The following SPAG16 variants were observed in gnomAD, a reference collection of about 807,000 sequenced individuals.
SPAG16 encodes the protein sperm associated antigen 16.
Under a neutral mutation model 80.4 loss-of-function variants are expected in SPAG16, and 86 were observed. The observed-to-expected ratio is 1.07, with a 90% CI of 0.90 to 1.28. The LOEUF is 1.28. Ranked by LOEUF, SPAG16 falls within the 50% of genes most tolerant of loss-of-function variation. SPAG16 has a pLI of 0.00. For synonymous variants in SPAG16, 294 were observed against 265.9 expected (o/e 1.11, Z -1.03); for missense variants, 870 against 765.3 (o/e 1.14, Z -1.61).
intron 15 of SPAG16, chr2:214,280,843 T>C (rs1692872245): frequency 2.3e-6 from 1 of 433,788 alleles, no homozygotes; most frequent in Admixed American, 2.6e-5. Context: ...CCGTTCTTTA[T>C]ATATTGAGAG....
At chr2:213,313,529 T>C (rs2063287260) in intron 4 of SPAG16, among the ~76,000 whole-genome samples, 1 of 151,812 alleles carries the variant, frequency 6.6e-6, no homozygotes, top group Non-Finnish European at 1.5e-5. Context: ...TGTCACCAAG[T>C]CATAGCCAGT....
At chr2:213,420,812 A>G (rs911885670) in intron 9 of SPAG16, among the ~76,000 whole-genome samples, 2 of 152,182 alleles carry the variant, frequency 1.3e-5, no homozygotes, top group Non-Finnish European at 2.9e-5. Flanking sequence ...ACTCTTTTGC[A>G]TTCCAAAAAA....
Position 214,125,592 on chromosome 2 carries a change from G to A in SPAG16, c.1593+17331G>A, listed in dbSNP as rs369135351. ...GTCTGTTAGAAATAATTCTTAAAAAGGCTCTACATTTTAGTTAAATATATA... is the reference window on the plus strand; with the variant it reads ...GTCTGTTAGAAATAATTCTTAAAAAAGCTCTACATTTTAGTTAAATATATA... On this transcript the variant is annotated intron_variant, in intron 14 of 15. Transcript: ENST00000331683. 1.1e-3 allele frequency among the ~76,000 whole-genome samples: 169 copies of A among 151,682 alleles called. 1 individual carries two copies. The highest frequency in any genetic ancestry group is 3.9e-3 in the African/African-American group (161 of 41,490).
chr2:214,136,532 T>C (rs2055061306), intron 14 of SPAG16, among the ~76,000 whole-genome samples: 1 of 152,182 alleles, frequency 6.6e-6, no homozygotes, highest in Admixed American at 6.5e-5. Flanking sequence ...CCAGCTCATA[T>C]CCATGGAGCA....
chr2:213,687,602 T>G (rs1180933642), intron 10 of SPAG16, among the ~76,000 whole-genome samples: 1 of 152,202 alleles, frequency 6.6e-6, no homozygotes, highest in Non-Finnish European at 1.5e-5. Flanking sequence ...CTTACTTCAT[T>G]GTTTTCTACT....
At chr2:213,958,977 G>A (rs760529879) in intron 12 of SPAG16, among the ~76,000 whole-genome samples, 57 of 152,092 alleles carry the variant, frequency 3.7e-4, no homozygotes, top group Non-Finnish European at 6.8e-4. Flanking sequence ...TTGTATATCT[G>A]GGAATGTCAT....
chr2:213,992,720 A>G (rs564833163), intron 12 of SPAG16, among the ~76,000 whole-genome samples: 3 of 152,346 alleles, frequency 2.0e-5, no homozygotes, highest in African/African-American at 7.2e-5. Context: ...GCTAATTACA[A>G]AAGCCTGATG....
intron 15 of SPAG16, among the ~76,000 whole-genome samples, chr2:214,210,220 T>C (rs2058253987): frequency 6.6e-6 from 1 of 152,094 alleles, no homozygotes; most frequent in South Asian, 2.1e-4. Flanking sequence ...CAGATCCTTA[T>C]GATAATTTTG....
chr2:213,314,823 A>C (rs1334920042), intron 4 of SPAG16, among the ~76,000 whole-genome samples: 3 of 151,922 alleles, frequency 2.0e-5, no homozygotes, highest in Non-Finnish European at 4.4e-5. Flanking sequence ...TTCTGAGATA[A>C]GTATATCACA....
intron 15 of SPAG16, among the ~76,000 whole-genome samples, chr2:214,378,265 C>T (rs911488509): frequency 2.0e-5 from 3 of 152,144 alleles, no homozygotes; most frequent in African/African-American, 7.2e-5. Flanking sequence ...ACTAATATAT[C>T]AGGCAAATCG....
At position 214,404,878 on chromosome 2, in the gene SPAG16, T is replaced by A. The variant is rs551587504; in HGVS notation, c.1721-5262T>A. ...GAGTGTTTTTAGTTATCGGGTACAA[T>A]TTTTAGTACATATTATATATGCATT... On this transcript the variant is annotated intron_variant, in intron 15 of 15. Coordinates refer to ENST00000331683, the MANE Select transcript of SPAG16 (RefSeq NM_024532.5). Among the ~76,000 whole-genome samples, 42 of 152,244 alleles carry A rather than the reference T, an allele frequency of 2.8e-4. No individual in the cohort carries two copies. In the Middle Eastern group the frequency reaches 0.014, roughly 49 times the overall value.
chr2:214,155,123 A>C (rs1001785295), intron 15 of SPAG16, among the ~76,000 whole-genome samples: 1 of 152,138 alleles, frequency 6.6e-6, no homozygotes, highest in Non-Finnish European at 1.5e-5. Flanking sequence ...GGCAGGGTAC[A>C]GGAGAGTTAT....
Position 213,534,590 on chromosome 2 carries a change from C to T in SPAG16, c.1070+44500C>T, listed in dbSNP as rs116557429. On this transcript the variant is annotated intron_variant, in intron 10 of 15. Transcript: ENST00000331683. ...CTATGAATTTACACAAAAACACAGA[C>T]GAATCCCAAAAACATACTCATTGAA... Among the ~76,000 whole-genome samples the T allele has an allele frequency of 6.5e-3, 990 of 152,040 alleles. 18 individuals are homozygous for T. The highest frequency in any genetic ancestry group is 0.023 in the African/African-American group (952 of 41,502).
At chr2:213,748,083 CT>C (rs1263577891) in intron 10 of SPAG16, among the ~76,000 whole-genome samples, 1 of 151,918 alleles carries the variant, frequency 6.6e-6, no homozygotes, top group Non-Finnish European at 1.5e-5. Context: ...TGTATCAATT[CT>C]TTTTTTTCTT....
chr2:214,014,290 A>T (rs1387286243), intron 13 of SPAG16, among the ~76,000 whole-genome samples: 1 of 152,180 alleles, frequency 6.6e-6, no homozygotes, highest in African/African-American at 2.4e-5. Context: ...TGATTATCTC[A>T]TTAAGCATTA....
At chr2:214,378,632 C>G (rs964326071) in intron 15 of SPAG16, among the ~76,000 whole-genome samples, 14 of 152,164 alleles carry the variant, frequency 9.2e-5, no homozygotes, top group African/African-American at 2.7e-4. Flanking sequence ...TGGAGCTCCC[C>G]CTAAGGGCTA....
chr2:213,882,458 GT>G lies in SPAG16; in HGVS notation c.1214+19837del, dbSNP rs543661331. Among the ~76,000 whole-genome samples, 645 of 151,904 alleles carry G rather than the reference GT, an allele frequency of 4.2e-3. 5 individuals carry two copies. Among genetic ancestry groups the G allele is most frequent in the African/African-American group, 0.015 (620 of 41,450 alleles). The stretch of plus-strand genomic sequence containing the variant: ...ATATAACTTATCCATGGCTTTTTGG[GT>G]TTTTTTCTGTATTCAATTTCAGATT... On this transcript the variant is annotated intron_variant, in intron 11 of 15. Coordinates refer to ENST00000331683, the MANE Select transcript of SPAG16 (RefSeq NM_024532.5).
intron 15 of SPAG16, among the ~76,000 whole-genome samples, chr2:214,175,852 T>C (rs2057063047): frequency 6.6e-6 from 1 of 151,458 alleles, no homozygotes; most frequent in African/African-American, 2.4e-5. Flanking sequence ...AATCCTTCAG[T>C]AGTTAAGTTT....
At chr2:214,170,888 A>T (rs1467508997) in intron 15 of SPAG16, among the ~76,000 whole-genome samples, 2 of 152,046 alleles carry the variant, frequency 1.3e-5, no homozygotes, top group Admixed American at 1.3e-4. Context: ...CCATTTCTTC[A>T]TGGTGTTAGA....
Sources: allele counts gnomAD v4.1 joint callset (sites outside exome capture counted in the v4.1 genomes callset), GRCh38; gene constraint gnomAD v4.1.1; transcripts MANE v1.5; gene names NCBI Gene and HGNC (gene_info 2026-07-23, HGNC 2026-07-21).